The following PIGN variants were observed in gnomAD, a reference collection of about 807,000 sequenced individuals.
The protein encoded by PIGN is GPI ethanolamine phosphate transferase 1.
PIGN carries 117 observed loss-of-function variants against 125.4 expected under a neutral mutation model. The observed-to-expected ratio is 0.93, with a 90% CI of 0.80 to 1.09. The LOEUF (loss-of-function observed/expected upper bound fraction) is 1.09. PIGN is among the 50% of genes least tolerant of loss of function. The pLI is 0.00. For missense variants in PIGN, 1,075 were observed against 1,094.9 expected, an observed-to-expected ratio of 0.98 and a Z score of 0.26; for synonymous variants, 392 against 377.8, an observed-to-expected ratio of 1.04 and a Z score of -0.44.
At chr18:62,047,639 C>G (rs1393504855) in intron 30 of PIGN, among the ~76,000 whole-genome samples, 3 of 152,128 alleles carry the variant, frequency 2.0e-5, no homozygotes, top group African/African-American at 4.8e-5. Flanking sequence ...GCAAGGGGAA[C>G]CTGGATTTCT....
intron 30 of PIGN, among the ~76,000 whole-genome samples, chr18:62,057,277 C>T (rs1399439740): frequency 6.7e-6 from 1 of 149,558 alleles, no homozygotes; most frequent in Non-Finnish European, 1.5e-5. Flanking sequence ...ATCTTAATCT[C>T]CCACACCTTC....
At chr18:62,153,958 T>C (rs774941149) in intron 7 of PIGN, 6 of 152,198 alleles carry the variant, frequency 3.9e-5, no homozygotes, top group Non-Finnish European at 7.3e-5. Context: ...ATGTCCACAA[T>C]TGAGATTTTC....
chr18:62,122,396 T>C (rs1456056965), intron 14 of PIGN, among the ~76,000 whole-genome samples: 1 of 152,146 alleles, frequency 6.6e-6, no homozygotes, highest in Non-Finnish European at 1.5e-5. Flanking sequence ...ATTATTTTTA[T>C]TTCAATTAAT....
At chr18:62,058,455 CTA>C (rs1214229501) in intron 30 of PIGN, among the ~76,000 whole-genome samples, 2 of 152,288 alleles carry the variant, frequency 1.3e-5, no homozygotes, top group African/African-American at 4.8e-5. Flanking sequence ...AAGTCTGACA[CTA>C]TGGAAAGACG....
At chr18:62,060,024 G>A (rs749433761) in intron 30 of PIGN, among the ~76,000 whole-genome samples, 21 of 152,152 alleles carry the variant, frequency 1.4e-4, no homozygotes, top group Non-Finnish European at 3.1e-4. Context: ...GCATTCCACA[G>A]ATCACTCATT....
At chr18:62,071,889 T>TATATATATATAC (rs1227906899) in intron 30 of PIGN, among the ~76,000 whole-genome samples, 2 of 128,576 alleles carry the variant, frequency 1.6e-5, no homozygotes, top group African/African-American at 5.8e-5. Flanking sequence ...TATATATATA[T>TATATATATATAC]ATATATATAT....
At chr18:62,147,779 T>C (rs1347811756) in intron 8 of PIGN, among the ~76,000 whole-genome samples, 1 of 152,172 alleles carries the variant, frequency 6.6e-6, no homozygotes, top group Non-Finnish European at 1.5e-5. Context: ...TATTGAATTA[T>C]GGTATACAAA....
In PIGN at chr18:62,045,443, T is replaced by C. The variant is rs2030597322; in HGVS notation, c.*413A>G. On this transcript the variant is annotated 3_prime_UTR_variant, in exon 31 of 31. Transcript: ENST00000640252. Reference sequence around the variant, plus strand: ...GATAAATATTGACGGTGGCACCTGGTGATTTCCTTCCAGCTCAGCCACAGC... The same window carrying C: ...GATAAATATTGACGGTGGCACCTGGCGATTTCCTTCCAGCTCAGCCACAGC... The C allele has an allele frequency of 6.5e-6, 1 of 153,560 alleles. No homozygotes were observed. The highest frequency in any genetic ancestry group is 1.5e-5 in the Non-Finnish European group (1 of 68,938). 9.5% of individuals were successfully genotyped at this position (153,560 alleles called of 1,614,324 possible).
chr18:62,153,188 T>G (rs1459366125), intron 7 of PIGN, among the ~76,000 whole-genome samples: 1 of 152,218 alleles, frequency 6.6e-6, no homozygotes, highest in Non-Finnish European at 1.5e-5. Context: ...GCTCAGAGAT[T>G]ATCTCAAACC....
intron 1 of PIGN, among the ~76,000 whole-genome samples, chr18:62,175,395 C>A (rs2037490106): frequency 6.6e-6 from 1 of 152,114 alleles, no homozygotes. Context: ...CAGGTACTGA[C>A]CCCAAAACTC....
chr18:62,058,360 A>C (rs946724308), intron 30 of PIGN, among the ~76,000 whole-genome samples: 3 of 152,200 alleles, frequency 2.0e-5, no homozygotes, highest in Non-Finnish European at 4.4e-5. Context: ...GTGACTACCA[A>C]GTGACCGGAA....
chr18:62,046,166 G>C (rs1317072679), intron 30 of PIGN, among the ~76,000 whole-genome samples, 187 bp from the exon 31 acceptor site: 5 of 152,128 alleles, frequency 3.3e-5, no homozygotes, highest in Non-Finnish European at 7.4e-5. Context: ...GGACCTTCAA[G>C]TACAGCTGTC....
intron 11 of PIGN, among the ~76,000 whole-genome samples, chr18:62,140,796 C>T (rs2036107484): frequency 6.6e-6 from 1 of 152,010 alleles, no homozygotes; most frequent in African/African-American, 2.4e-5. Flanking sequence ...ACAAAGGATG[C>T]CTTATTTAGA....
At chr18:62,097,851 G>A (rs900844017) in intron 22 of PIGN, among the ~76,000 whole-genome samples, 1 of 152,042 alleles carries the variant, frequency 6.6e-6, no homozygotes, top group African/African-American at 2.4e-5. Flanking sequence ...CTACCCAAGT[G>A]GAGGAAGGGC....
intron 23 of PIGN, among the ~76,000 whole-genome samples, chr18:62,026,486 C>A (rs2030119931): frequency 6.6e-6 from 1 of 152,104 alleles, no homozygotes; most frequent in Non-Finnish European, 1.5e-5. Context: ...CCCCAAGAAC[C>A]AACTGATGAC....
Position 62,113,076 on chromosome 18 carries a change from G to A in PIGN, c.1434+58C>T, listed in dbSNP as rs1323616246. On this transcript the variant is annotated intron_variant, in intron 16 of 30. Transcript: ENST00000640252. ...GCACATCCTATAAACTCATTACACT[G>A]GATTCAGTACTAGTGATTTTATACC... 11 of 1,285,972 alleles carry A rather than the reference G, an allele frequency of 8.6e-6. No homozygotes were observed. The African/African-American group carries it at 8.8e-5, about 10-fold the overall frequency. The allele number at this position is 1,285,972 out of a possible 1,614,324, so 79.7% of individuals were successfully genotyped here. A position where few individuals can be genotyped will look rare whatever the true frequency, so the allele number is the denominator to read the frequency against.
intron 30 of PIGN, among the ~76,000 whole-genome samples, chr18:62,046,424 C>T (rs1036339041): frequency 1.5e-5 from 2 of 136,616 alleles, no homozygotes; most frequent in Admixed American, 1.6e-4. Context: ...GTCAGATCAG[C>T]GGCAGCATTA....
intron 30 of PIGN, among the ~76,000 whole-genome samples, chr18:62,053,832 T>C (rs2031510788): frequency 6.6e-6 from 1 of 152,108 alleles, no homozygotes; most frequent in African/African-American, 2.4e-5. Flanking sequence ...TATACCAAGA[T>C]AGATCATATT....
At chr18:62,048,978 T>C (rs2031001309) in intron 30 of PIGN, among the ~76,000 whole-genome samples, 1 of 151,870 alleles carries the variant, frequency 6.6e-6, no homozygotes, top group African/African-American at 2.4e-5. Flanking sequence ...TTGCGATAGT[T>C]TACTGAGAAT....
Sources: allele counts gnomAD v4.1 joint callset (sites outside exome capture counted in the v4.1 genomes callset), GRCh38; gene constraint gnomAD v4.1.1; transcripts MANE v1.5; gene names NCBI Gene and HGNC (gene_info 2026-07-23, HGNC 2026-07-21).